Variants in COG5 observed in about 807,000 individuals in gnomAD.
The protein encoded by COG5 is component of oligomeric golgi complex 5.
COG5 carries 86 observed loss-of-function variants against 110.4 expected under a neutral mutation model. The ratio of observed to expected loss-of-function variants is 0.78; its 90% CI spans 0.65 to 0.93. COG5 has a LOEUF of 0.93. Ranked by LOEUF, COG5 falls within the 40% of genes least tolerant of loss-of-function variation. COG5 has a pLI of 0.00. For missense variants in COG5, 1,077 were observed against 987.0 expected (o/e 1.09, Z -1.22); for synonymous variants, 360 against 334.6 (o/e 1.08, Z -0.83).
At chr7:107,293,765 C>T (rs1806364749) in intron 12 of COG5, among the ~76,000 whole-genome samples, 1 of 151,952 alleles carries the variant, frequency 6.6e-6, no homozygotes, top group Non-Finnish European at 1.5e-5. Flanking sequence ...TCCAATTCCA[C>T]GATTTAAAAA....
At chr7:107,229,766 C>G (rs571933158) in intron 19 of COG5, among the ~76,000 whole-genome samples, 2 of 150,656 alleles carry the variant, frequency 1.3e-5, no homozygotes, top group South Asian at 4.2e-4. Context: ...CTGCATTAGG[C>G]TAAGTTACCT....
At chr7:107,537,591 G>A (rs1032968814) in intron 5 of COG5, among the ~76,000 whole-genome samples, 3 of 152,028 alleles carry the variant, frequency 2.0e-5, no homozygotes, top group Non-Finnish European at 4.4e-5. Flanking sequence ...CTGTCAGGGG[G>A]TGGGGCCAAG....
At chr7:107,452,728 G>T (rs548244478) in intron 6 of COG5, among the ~76,000 whole-genome samples, 35 of 152,192 alleles carry the variant, frequency 2.3e-4, no homozygotes, top group Non-Finnish European at 5.0e-4. Context: ...CCAGTCTCGG[G>T]TATGTCTTTA....
At chr7:107,506,651 G>A (rs921261852) in intron 6 of COG5, among the ~76,000 whole-genome samples, 1 of 152,152 alleles carries the variant, frequency 6.6e-6, no homozygotes, top group Non-Finnish European at 1.5e-5. Flanking sequence ...CAGTTTCCCA[G>A]TAGCAGCATC....
intron 6 of COG5, among the ~76,000 whole-genome samples, chr7:107,512,422 C>T (rs1416560701): frequency 6.6e-6 from 1 of 151,996 alleles, no homozygotes; most frequent in Non-Finnish European, 1.5e-5. Flanking sequence ...GAAGAACATT[C>T]CATGCTCATG....
intron 10 of COG5, among the ~76,000 whole-genome samples, chr7:107,338,313 C>T (rs909953222): frequency 6.6e-6 from 1 of 151,968 alleles, no homozygotes; most frequent in Admixed American, 6.6e-5. Context: ...AGGCCAATGA[C>T]ATAGAATAGA....
At chr7:107,457,812 T>C (rs937141154) in intron 6 of COG5, among the ~76,000 whole-genome samples, 5 of 152,140 alleles carry the variant, frequency 3.3e-5, no homozygotes, top group Non-Finnish European at 7.3e-5. Context: ...AAATAATTTT[T>C]TCAAATTTGA....
At chr7:107,266,104 T>C (rs138162798) in intron 14 of COG5, among the ~76,000 whole-genome samples, 23 of 152,144 alleles carry the variant, frequency 1.5e-4, no homozygotes, top group African/African-American at 5.5e-4. Context: ...GTGAGAGAGT[T>C]TGTAATACAT....
chr7:107,286,564 ACTT>A (rs1323611593), intron 12 of COG5, among the ~76,000 whole-genome samples: 1 of 152,200 alleles, frequency 6.6e-6, no homozygotes, highest in Non-Finnish European at 1.5e-5. Context: ...ATTTATACAA[ACTT>A]CTTTAAAATC....
At chr7:107,324,582 T>C (rs1809602784) in intron 10 of COG5, 61 bp from the exon 11 acceptor site, 3 of 964,414 alleles carry the variant, frequency 3.1e-6, no homozygotes, top group Middle Eastern at 2.3e-4. Context: ...TAAGAAATCA[T>C]AATGGGTAAC....
intron 6 of COG5, among the ~76,000 whole-genome samples, chr7:107,490,716 A>T (rs1321347821): frequency 6.6e-6 from 1 of 152,160 alleles, no homozygotes; most frequent in Non-Finnish European, 1.5e-5. Context: ...GTGAGAAGTT[A>T]ACTTCTGGTA....
chr7:107,207,906 A>G (rs1798892084), intron 21 of COG5: 4 of 985,420 alleles, frequency 4.1e-6, no homozygotes, highest in Non-Finnish European at 3.6e-6. Context: ...AATTTGCCCT[A>G]TTTTATGACA....
chr7:107,496,053 A>T (rs1429476943), intron 6 of COG5, among the ~76,000 whole-genome samples: 1 of 151,886 alleles, frequency 6.6e-6, no homozygotes, highest in Non-Finnish European at 1.5e-5. Context: ...AGTACCTGAG[A>T]TTACAGTCAC....
intron 6 of COG5, among the ~76,000 whole-genome samples, chr7:107,415,599 A>C (rs1408762976): frequency 2.6e-5 from 4 of 151,940 alleles, no homozygotes; most frequent in Non-Finnish European, 5.9e-5. Flanking sequence ...TTCTGGGAAT[A>C]AATAATAATT....
intron 6 of COG5, among the ~76,000 whole-genome samples, chr7:107,501,990 G>T (rs2712200): frequency 0.27 from 41,206 of 151,880 alleles, 5,686 homozygotes; most frequent in East Asian, 0.33. Flanking sequence ...AAGGGAAAAC[G>T]AGAAACAGTT....
chr7:107,442,359 T>C (rs141134615), intron 6 of COG5, among the ~76,000 whole-genome samples: 15 of 152,294 alleles, frequency 9.8e-5, no homozygotes, highest in Middle Eastern at 3.4e-3. Flanking sequence ...TTAAATCTCC[T>C]TATCAATTAC....
At chr7:107,546,648 T>A (rs1382052917) in intron 5 of COG5, among the ~76,000 whole-genome samples, 1 of 150,648 alleles carries the variant, frequency 6.6e-6, no homozygotes, top group African/African-American at 2.4e-5. Context: ...AAACTTTAGC[T>A]AGACTAAGAA....
At chr7:107,504,809 A>T (rs558558822) in intron 6 of COG5, among the ~76,000 whole-genome samples, 52 of 152,232 alleles carry the variant, frequency 3.4e-4, no homozygotes, top group African/African-American at 1.2e-3. Flanking sequence ...AGTAGTCTCA[A>T]ATGATCTATT....
chr7:107,436,113 C>A (rs913053058), intron 6 of COG5, among the ~76,000 whole-genome samples: 6 of 152,150 alleles, frequency 3.9e-5, no homozygotes, highest in Admixed American at 3.3e-4. Context: ...AGAGAATAGA[C>A]TGGTGATAAC....
Sources: gnomAD v4.1 joint callset for allele counts (sites outside exome capture counted in the v4.1 genomes callset) on GRCh38, gnomAD v4.1.1 for gene constraint, MANE v1.5 for transcripts, NCBI Gene and HGNC (gene_info 2026-07-23, HGNC 2026-07-21) for gene names.